ADAMTS1: variants seen among roughly 807,000 people sequenced by gnomAD.
The protein encoded by ADAMTS1 is ADAM metallopeptidase with thrombospondin type 1 motif 1.
A neutral mutation model predicts 87.9 loss-of-function variants in ADAMTS1; 19 were observed. The ratio of observed to expected loss-of-function variants is 0.22; its 90% CI spans 0.15 to 0.32. ADAMTS1 has a LOEUF of 0.32. ADAMTS1 is among the 10% of genes least tolerant of loss of function. The pLI is 1.00. For synonymous variants in ADAMTS1, 542 were observed against 501.8 expected (o/e 1.08, Z -1.07); for missense variants, 1,240 against 1,259.1 (o/e 0.98, Z 0.23).
In ADAMTS1 at chr21:26,844,822, C is replaced by T. The variant is rs1985586001; in HGVS notation, c.133G>A (p.Ala45Thr). Residue 45 changes from alanine (A) to threonine (T), a missense_variant, in exon 1 of 9, where the codon GCC becomes ACC. Around this residue, in one of 3 missense-constraint regions of ADAMTS1, gnomAD observed 521 missense variants for 449.7 expected, o/e 1.16. Coordinates refer to ENST00000284984, the MANE Select transcript of ADAMTS1 (RefSeq NM_006988.5). ...GGGCGCCCGAGTGCGTCCGACACGG[C>T]CAGTAGCGCCGCGGCGAGCAGCAGC... is the stretch of plus-strand genomic sequence containing the variant. Reference protein sequence around the residue: ...TLLLLAAALLAVSDALGRPSE... With the variant: ...TLLLLAAALLTVSDALGRPSE... The T allele has an allele frequency of 6.4e-7, 1 of 1,551,006 alleles. No homozygotes were observed. The highest frequency in any genetic ancestry group is 8.7e-7 in the Non-Finnish European group (1 of 1,148,274).
intron 1 of ADAMTS1, chr21:26,843,622 C>A: frequency 2.2e-6 from 1 of 461,840 alleles, no homozygotes; most frequent in Non-Finnish European, 4.5e-6. Context: ...CGGGAAAGAC[C>A]TCCCAAGCAG....
chr21:26,844,283 GTCCTCGCCCTCAGT>G lies in ADAMTS1; in HGVS notation c.658_671del (p.Thr220ArgfsTer76), dbSNP rs1256134006. On this transcript the variant is annotated frameshift_variant, in exon 1 of 9. Coordinates refer to ENST00000284984, the MANE Select transcript of ADAMTS1 (RefSeq NM_006988.5). LOFTEE classifies it high-confidence loss of function. ...CCTGCGGCGACCACTGAGCCCCTTC[GTCCTCGCCCTCAGT>G]CCCTTCGTCCTCGTCTTCGGTCTCC... 61 of 1,605,178 alleles carry G rather than the reference GTCCTCGCCCTCAGT, an allele frequency of 3.8e-5. No homozygotes were observed. Among genetic ancestry groups the G allele is most frequent in the Non-Finnish European group, 4.9e-5 (58 of 1,176,392 alleles).
At position 26,837,530 on chromosome 21, in the gene ADAMTS1, G is replaced by A; in HGVS notation, c.*49C>T. 1 of 1,546,006 alleles carries A rather than the reference G, an allele frequency of 6.5e-7. No homozygotes were observed. The highest frequency in any genetic ancestry group is 8.9e-7 in the Non-Finnish European group (1 of 1,125,328). On this transcript the variant is annotated 3_prime_UTR_variant, in exon 9 of 9. Coordinates refer to ENST00000284984, the MANE Select transcript of ADAMTS1 (RefSeq NM_006988.5). ...CAGCCTTCTTGCTTTCCCTGCACCAGCCCTTCCTCACTTTGCCTTGCCCTC... is the reference window on the plus strand; with the variant it reads ...CAGCCTTCTTGCTTTCCCTGCACCAACCCTTCCTCACTTTGCCTTGCCCTC...
Position 26,837,465 on chromosome 21 carries a change from T to TA in ADAMTS1, c.*113dup, listed in dbSNP as rs1038481624. On this transcript the variant is annotated 3_prime_UTR_variant, in exon 9 of 9. Coordinates refer to ENST00000284984, the MANE Select transcript of ADAMTS1 (RefSeq NM_006988.5). Reference sequence around the variant, plus strand: ...TACCCCCATAATCCCACCTTACTGATACACCTCACTGGTTACTGGCAAGAT... The same window carrying TA: ...TACCCCCATAATCCCACCTTACTGATAACACCTCACTGGTTACTGGCAAGAT... 19 of 882,192 alleles carry TA rather than the reference T, an allele frequency of 2.2e-5. No individual in the cohort carries two copies. In the African/African-American group the frequency reaches 3.2e-4, roughly 15 times the overall value. The allele number at this position is 882,192 out of a possible 1,614,324, so 54.6% of individuals were successfully genotyped here.
At position 26,837,258 on chromosome 21, in the gene ADAMTS1, C is replaced by CTT. The variant is rs150484130; in HGVS notation, c.*319_*320dup. On this transcript the variant is annotated 3_prime_UTR_variant, in exon 9 of 9. Coordinates refer to ENST00000284984, the MANE Select transcript of ADAMTS1 (RefSeq NM_006988.5). ...GAAACAGGGGTTGTAATAGTTCTAACTTTTTTTGACAATTGCTTTGTTTTT... is the reference window on the plus strand; with the variant it reads ...GAAACAGGGGTTGTAATAGTTCTAACTTTTTTTTTGACAATTGCTTTGTTTTT... 2 of 239,512 alleles carry CTT rather than the reference C, an allele frequency of 8.4e-6. No individual in the cohort carries two copies. The highest frequency in any genetic ancestry group is 4.4e-5 in the African/African-American group (2 of 45,062). 14.8% of individuals were successfully genotyped at this position (239,512 alleles called of 1,614,324 possible). A position where few individuals can be genotyped will look rare whatever the true frequency, so the allele number is the denominator to read the frequency against.
chr21:26,842,132 T>C, intron 2 of ADAMTS1, 142 bp from the exon 3 acceptor site: 1 of 1,115,492 alleles, frequency 9.0e-7, no homozygotes, highest in Non-Finnish European at 1.3e-6. Context: ...CATGTGACTT[T>C]AATCAAGCTT....
chr21:26,838,839 G>A (rs943981094), intron 7 of ADAMTS1: 1 of 450,364 alleles, frequency 2.2e-6, no homozygotes. Context: ...TTTATCTATT[G>A]ACCTATGTCT....
chr21:26,838,382 C>T, intron 8 of ADAMTS1, 57 bp downstream of exon 8: 1 of 1,599,634 alleles, frequency 6.3e-7, no homozygotes, highest in South Asian at 1.1e-5. Context: ...TTTTCCCAGA[C>T]CTGTTGAAAG....
chr21:26,842,057 G>T (rs898053912), intron 2 of ADAMTS1, 67 bp from the exon 3 acceptor site: 28 of 1,545,070 alleles, frequency 1.8e-5, no homozygotes, highest in Non-Finnish European at 2.5e-5. Flanking sequence ...AACTTTTTTG[G>T]CAGGGTGTGC....
At chr21:26,843,729 C>A in intron 1 of ADAMTS1, 1 of 501,980 alleles carries the variant, frequency 2.0e-6, no homozygotes, top group Admixed American at 2.1e-5. Context: ...CCTAGCGTAG[C>A]CGCTCAGGGT....
At chr21:26,842,838 A>G (rs1221744229) in intron 1 of ADAMTS1, among the ~76,000 whole-genome samples, 153 bp from the exon 2 acceptor site, 1 of 152,182 alleles carries the variant, frequency 6.6e-6, no homozygotes. Flanking sequence ...TCTTCACTCC[A>G]AGTGTTATTT....
At chr21:26,839,117 A>G (rs1985438925) in intron 7 of ADAMTS1, 1 of 159,390 alleles carries the variant, frequency 6.3e-6, no homozygotes. Context: ...TCCTAGTTCA[A>G]TATGTGTTTT....
Position 26,844,536 on chromosome 21 carries a change from C to A in ADAMTS1, c.419G>T (p.Ser140Ile). The A allele has an allele frequency of 6.2e-7, 1 of 1,604,982 alleles. No homozygotes were observed. Among genetic ancestry groups the A allele is most frequent in the Non-Finnish European group, 8.5e-7 (1 of 1,176,330 alleles). The stretch of plus-strand genomic sequence containing the variant: ...GGCGCCGCGCACGCCCTCGCAGAGG[C>A]TGAGGGCGGCAGCCGAGCTGGGATC... Reference protein sequence around the residue: ...NGDPSSAAALSLCEGVRGAFY... With the variant: ...NGDPSSAAALILCEGVRGAFY... Residue 140 changes from serine to isoleucine, a missense_variant, in exon 1 of 9, where the codon AGC becomes ATC. Transcript: ENST00000284984.
At chr21:26,844,172 T>C in intron 1 of ADAMTS1, 53 bp downstream of exon 1, 1 of 1,508,836 alleles carries the variant, frequency 6.6e-7, no homozygotes, top group Non-Finnish European at 8.9e-7. Flanking sequence ...GTGGGATAGA[T>C]AAAGTGAGGA....
chr21:26,842,714 G>A, intron 1 of ADAMTS1, 29 bp from the exon 2 acceptor site: 3 of 1,585,080 alleles, frequency 1.9e-6, no homozygotes, highest in Non-Finnish European at 1.7e-6. Context: ...GTTTGCTTAT[G>A]GTCAGGCTGT....
Position 26,840,391 on chromosome 21 carries a change from C to T in ADAMTS1, c.1550G>A (p.Gly517Glu), listed in dbSNP as rs779022926. 3.1e-6 allele frequency: 5 copies of T among 1,614,206 alleles called. No homozygotes were observed. Among genetic ancestry groups the T allele is most frequent in the Non-Finnish European group, 4.2e-6 (5 of 1,180,024 alleles). The change falls in exon 5 of 9, where the codon GGG becomes GAG. Residue 517 changes from glycine (G) to glutamate (E), a missense_variant. Around this residue, in one of 3 missense-constraint regions of ADAMTS1, gnomAD observed 317 missense variants for 410.3 expected, o/e 0.77. Coordinates refer to ENST00000284984, the MANE Select transcript of ADAMTS1 (RefSeq NM_006988.5). ...GTGTTTGGTTTGACACACCAGCACC[C>T]CACCAGAGGTGCCGGTACACCACAA... is the stretch of plus-strand genomic sequence containing the variant. ...STLWCTGTSG[G>E]VLVCQTKHFP... is the part of the protein sequence containing the mutation.
In ADAMTS1 at chr21:26,836,553, AACAG is replaced by A. The variant is rs1224742960; in HGVS notation, c.*1022_*1025del. 2 of 152,646 alleles carry A rather than the reference AACAG, an allele frequency of 1.3e-5. No homozygotes were observed. The highest frequency in any genetic ancestry group is 6.5e-5 in the Admixed American group (1 of 15,282). The allele number at this position is 152,646 out of a possible 1,614,324, so 9.5% of individuals were successfully genotyped here. A position where few individuals can be genotyped will look rare whatever the true frequency, so the allele number is the denominator to read the frequency against. ...AAATCATATTCTCACAGAAGAGCTGAACAGACATTCACCAGGATACGACTGTTGG... is the reference window on the plus strand; with the variant it reads ...AAATCATATTCTCACAGAAGAGCTGAACATTCACCAGGATACGACTGTTGG... On this transcript the variant is annotated 3_prime_UTR_variant, in exon 9 of 9. Coordinates refer to ENST00000284984, the MANE Select transcript of ADAMTS1 (RefSeq NM_006988.5).
rs774636948 is a variant in ADAMTS1 at position 26,841,083 on chromosome 21, C to T, written c.1293G>A (p.Ala431=). 1.3e-5 allele frequency: 21 copies of T among 1,614,050 alleles called. No individual in the cohort carries two copies. In the Admixed American group the frequency reaches 1.5e-4, roughly 12 times the overall value. Residue 431 remains alanine, a synonymous_variant, in exon 4 of 9, where the codon GCG becomes GCA. Transcript: ENST00000284984. The stretch of plus-strand genomic sequence containing the variant: ...TGTGGTCCAGGTTGGAAAGCATTGA[C>T]GCCATCATGTGGGAATCCTGGTTCA... ...NGVNQDSHMM[A]SMLSNLDHSQ...
intron 1 of ADAMTS1, chr21:26,843,410 A>T: frequency 4.4e-6 from 2 of 457,698 alleles, no homozygotes; most frequent in Non-Finnish European, 9.0e-6. Flanking sequence ...GCAGGGGAAA[A>T]GGGGAGAATT....
Sources: gnomAD v4.1 joint callset for allele counts (sites outside exome capture counted in the v4.1 genomes callset) on GRCh38, gnomAD v4.1.1 for gene constraint, gnomAD v4.1.1 regional missense constraint, MANE v1.5 for transcripts, NCBI Gene and HGNC (gene_info 2026-07-23, HGNC 2026-07-21) for gene names.